SYCE1L: variants seen among roughly 807,000 people sequenced by gnomAD.
SYCE1L encodes synaptonemal complex central element protein 1-like.
SYCE1L carries 51 observed loss-of-function variants against 39.6 expected under a neutral mutation model. The ratio of observed to expected loss-of-function variants is 1.29; its 90% CI spans 1.03 to 1.63. The LOEUF (loss-of-function observed/expected upper bound fraction) is 1.63, where lower values mean the gene tolerates loss of function less well. Ranked by LOEUF, SYCE1L falls within the 40% of genes most tolerant of loss-of-function variation. The pLI is 0.00. For synonymous variants in SYCE1L, 147 were observed against 122.4 expected (o/e 1.20, Z -1.33); for missense variants, 426 against 304.9 (o/e 1.40, Z -2.96).
At chr16:77,209,188 C>A in intron 5 of SYCE1L, 44 bp downstream of exon 5, 1 of 1,545,776 alleles carries the variant, frequency 6.5e-7, no homozygotes, top group Non-Finnish European at 8.8e-7. Flanking sequence ...CTCTTCCACC[C>A]CACAAAAGTC....
At position 77,212,857 on chromosome 16, in the gene SYCE1L, G is replaced by A; in HGVS notation, c.655G>A (p.Ala219Thr). The A allele has an allele frequency of 6.6e-7, 1 of 1,507,544 alleles. No homozygotes were observed. Among genetic ancestry groups the A allele is most frequent in the Non-Finnish European group, 8.8e-7 (1 of 1,130,000 alleles). The allele number at this position is 1,507,544 out of a possible 1,614,324, so 93.4% of individuals were successfully genotyped here. Residue 219 changes from alanine (A) to threonine (T), a missense_variant and splice_region_variant, in exon 11 of 11, where the codon GCC becomes ACC. Coordinates refer to ENST00000378644, the MANE Select transcript of SYCE1L (RefSeq NM_001129979.3). Reference protein sequence around the residue: ...APEVGAGEGEAGPELPRARDE... With the variant: ...APEVGAGEGETGPELPRARDE... ...CGCAGCCTCACCCAGCCCCCGGCAG[G>A]CCGGACCTGAGCTCCCCCGCGCTCG...
chr16:77,212,412 G>A (rs917284699), intron 9 of SYCE1L, 43 bp downstream of exon 9: 2 of 1,532,376 alleles, frequency 1.3e-6, no homozygotes, highest in Admixed American at 2.1e-5. Context: ...GCAGGGGCAG[G>A]GCGGAGGGGA....
chr16:77,211,988 A>G (rs2054825769), intron 7 of SYCE1L, 142 bp from the exon 8 acceptor site: 3 of 971,646 alleles, frequency 3.1e-6, no homozygotes, highest in Non-Finnish European at 4.5e-6. Flanking sequence ...CACAGCAGGA[A>G]CTGCACATTG....
intron 1 of SYCE1L, 83 bp from the exon 2 acceptor site, chr16:77,206,358 G>C (rs1597383639): frequency 7.9e-7 from 1 of 1,268,800 alleles, no homozygotes. Flanking sequence ...GGTGTCTGCA[G>C]AGCCCACTGG....
At chr16:77,210,951 C>T (rs1260020145) in intron 6 of SYCE1L, among the ~76,000 whole-genome samples, 1 of 152,194 alleles carries the variant, frequency 6.6e-6, no homozygotes, top group East Asian at 1.9e-4. Flanking sequence ...TCTCAGGTTT[C>T]AGAGTCTCAA....
At chr16:77,204,729 A>G (rs1392603278) in intron 1 of SYCE1L, among the ~76,000 whole-genome samples, 1 of 152,160 alleles carries the variant, frequency 6.6e-6, no homozygotes, top group African/African-American at 2.4e-5. Context: ...ATCATGTACA[A>G]CATGCTACCA....
chr16:77,201,541 G>C (rs1356758798), intron 1 of SYCE1L: 1 of 152,182 alleles, frequency 6.6e-6, no homozygotes, highest in Non-Finnish European at 1.5e-5. Flanking sequence ...GGCTTTGCTA[G>C]AGGCAGTCGG....
rs2278047 is a variant in SYCE1L, at chr16:77,213,056, G to A, written c.*125G>A. 1 of 1,039,692 alleles carries A rather than the reference G, an allele frequency of 9.6e-7. No individual in the cohort carries two copies. The highest frequency in any genetic ancestry group is 3.1e-5 in the South Asian group (1 of 32,748). The allele number at this position is 1,039,692 out of a possible 1,614,324, so 64.4% of individuals were successfully genotyped here. ...TACACCGTGGAGCGGGGCGGGGCGTGCTGGGATCTCGAGGCGGGGCCTCTG... is the reference window on the plus strand; with the variant it reads ...TACACCGTGGAGCGGGGCGGGGCGTACTGGGATCTCGAGGCGGGGCCTCTG... On this transcript the variant is annotated 3_prime_UTR_variant, in exon 11 of 11. Transcript: ENST00000378644.
chr16:77,212,147 G>T lies in SYCE1L; in HGVS notation c.441G>T (p.Leu147=). 1 of 1,548,982 alleles carries T rather than the reference G, an allele frequency of 6.5e-7. No individual in the cohort carries two copies. Among genetic ancestry groups the T allele is most frequent in the Non-Finnish European group, 8.7e-7 (1 of 1,146,398 alleles). Residue 147 remains leucine, a synonymous_variant, in exon 8 of 11, where the codon CTG becomes CTT. Transcript: ENST00000378644. ...LWEFHMLEQR[L]AREIRALERS... ...CCTCGCAGATGCTGGAGCAGCGACTGGCCCGGGAGATCCGTGCCCTGGAGA... is the reference window on the plus strand; with the variant it reads ...CCTCGCAGATGCTGGAGCAGCGACTTGCCCGGGAGATCCGTGCCCTGGAGA...
Position 77,209,100 on chromosome 16 carries a change from A to G in SYCE1L, c.260A>G (p.Asn87Ser). The change falls in exon 5 of 11, where the codon AAT becomes AGT. Residue 87 changes from asparagine (N) to serine (S), a missense_variant. Asn to Ser is a conservative substitution (Grantham distance 46). Coordinates refer to ENST00000378644, the MANE Select transcript of SYCE1L (RefSeq NM_001129979.3). ...EALHRELDSL[N>S]GEKVHLEEVL... Reference sequence around the variant, plus strand: ...AAAGTGTCATTGTGTTTTCCAGTGAATGGAGAGAAAGTGCACCTAGAGGAG... The same window carrying G: ...AAAGTGTCATTGTGTTTTCCAGTGAGTGGAGAGAAAGTGCACCTAGAGGAG... 1 of 1,551,724 alleles carries G rather than the reference A, an allele frequency of 6.4e-7. No individual in the cohort carries two copies. The highest frequency in any genetic ancestry group is 8.7e-7 in the Non-Finnish European group (1 of 1,147,002).
rs1298274807 is a variant in SYCE1L at position 77,212,881 on chromosome 16, C to G, written c.679C>G (p.Arg227Gly). ...GGCCGGACCTGAGCTCCCCCGCGCT[C>G]GCGACGAGGAGGATCCCGAGCCGCC... is the stretch of plus-strand genomic sequence containing the variant. ...GEAGPELPRARDEEDPEPPVA... is the reference protein window; with the variant it reads ...GEAGPELPRAGDEEDPEPPVA... Residue 227 changes from arginine (R) to glycine (G), a missense_variant, in exon 11 of 11, where the codon CGC becomes GGC. By Grantham distance (125) the Arg-to-Gly change is moderately radical. Transcript: ENST00000378644. 6.6e-7 allele frequency: 1 copy of G among 1,520,808 alleles called. No individual in the cohort carries two copies. The highest frequency in any genetic ancestry group is 8.8e-7 in the Non-Finnish European group (1 of 1,135,976). 94.2% of individuals were successfully genotyped at this position (1,520,808 alleles called of 1,614,324 possible).
intron 1 of SYCE1L, chr16:77,200,274 G>GTATATATATATATATA (rs1229854135): frequency 9.7e-5 from 11 of 113,572 alleles, no homozygotes; most frequent in African/African-American, 3.5e-4. Flanking sequence ...ATATATATGT[G>GTATATATATATATATA]TATATATATA....
chr16:77,212,196 G>C lies in SYCE1L; in HGVS notation c.490G>C (p.Glu164Gln). 1 of 1,547,918 alleles carries C rather than the reference G, an allele frequency of 6.5e-7. No individual in the cohort carries two copies. The highest frequency in any genetic ancestry group is 8.7e-7 in the Non-Finnish European group (1 of 1,145,942). The change falls in exon 8 of 11, where the codon GAG becomes CAG. Residue 164 changes from glutamate to glutamine, a missense_variant. Coordinates refer to ENST00000378644, the MANE Select transcript of SYCE1L (RefSeq NM_001129979.3). Reference protein sequence around the residue: ...LERSKEQLLSERRLVRAKLRE... With the variant: ...LERSKEQLLSQRRLVRAKLRE... ...GAGAAGCAAGGAGCAGCTGCTCTCG[G>C]AGAGTGAGCCTCCCGCGCCAGGTGG...
intron 1 of SYCE1L, chr16:77,201,216 G>A (rs1046497788): frequency 2.0e-5 from 3 of 152,082 alleles, no homozygotes; most frequent in African/African-American, 7.2e-5. Context: ...TTAGATTAGA[G>A]GCACATACTA....
intron 1 of SYCE1L, among the ~76,000 whole-genome samples, chr16:77,205,434 A>ATATATATATATATATATATG (rs1491350777): frequency 2.6e-5 from 1 of 38,838 alleles, no homozygotes; most frequent in Non-Finnish European, 6.6e-5. Flanking sequence ...ATAGAAGTAA[A>ATATATATATATATATATATG]TATATATATA....
chr16:77,203,894 C>T (rs943689808), intron 1 of SYCE1L, among the ~76,000 whole-genome samples: 14 of 152,078 alleles, frequency 9.2e-5, no homozygotes, highest in Non-Finnish European at 1.2e-4. Flanking sequence ...TGCACCCGGC[C>T]GTTACTTCCA....
chr16:77,206,366 T>G, intron 1 of SYCE1L, 75 bp from the exon 2 acceptor site: 1 of 1,374,692 alleles, frequency 7.3e-7, no homozygotes, highest in Non-Finnish European at 1.0e-6. Context: ...CAGAGCCCAC[T>G]GGGACTTCCT....
At position 77,206,406 on chromosome 16, in the gene SYCE1L, G is replaced by T. The variant is rs745678743; in HGVS notation, c.62-35G>T. ...CCCTTCTCTCTCCCCTCTCACTCTC[G>T]CTGTGTCCTGTAATTTTGATTTTCC... is the stretch of plus-strand genomic sequence containing the variant. On this transcript the variant is annotated intron_variant, in intron 1 of 10. Transcript: ENST00000378644. The T allele has an allele frequency of 3.9e-6, 6 of 1,544,788 alleles. No homozygotes were observed. The East Asian group carries it at 9.8e-5, about 25-fold the overall frequency.
intron 1 of SYCE1L, 27 bp downstream of exon 1, chr16:77,199,539 CT>C: frequency 6.6e-7 from 1 of 1,522,050 alleles, no homozygotes; most frequent in Non-Finnish European, 8.9e-7. Context: ...GGCTGCACTC[CT>C]TTCTCTCCAA....
Sources: gnomAD v4.1 joint callset for allele counts (sites outside exome capture counted in the v4.1 genomes callset) on GRCh38, gnomAD v4.1.1 for gene constraint, MANE v1.5 for transcripts, NCBI Gene and HGNC (gene_info 2026-07-23, HGNC 2026-07-21) for gene names.